RAVER1: variants seen among roughly 807,000 people sequenced by gnomAD.
RAVER1 encodes ribonucleoprotein, PTB binding 1.
RAVER1 carries 36 observed loss-of-function variants against 68.4 expected under a neutral mutation model. That is an observed-to-expected ratio of 0.53 (90% CI 0.40 to 0.70). The LOEUF (loss-of-function observed/expected upper bound fraction) is 0.70. RAVER1 is among the 30% of genes least tolerant of loss of function. RAVER1 has a pLI of 0.00. For synonymous variants in RAVER1, 469 were observed against 472.7 expected, an observed-to-expected ratio of 0.99 and a Z score of 0.10; for missense variants, 933 against 1,019.8, an observed-to-expected ratio of 0.91 and a Z score of 1.16.
At position 10,328,583 on chromosome 19, in the gene RAVER1, G is replaced by T; in HGVS notation, c.756+59C>A. 2 of 1,136,146 alleles carry T rather than the reference G, an allele frequency of 1.8e-6. No homozygotes were observed. The highest frequency in any genetic ancestry group is 2.5e-6 in the Non-Finnish European group (2 of 801,738). 70.4% of individuals were successfully genotyped at this position (1,136,146 alleles called of 1,614,324 possible). ...AAAAGAAAAGGCAGATGACTCCAAAGACTCTCTCAGGTGCTCCGGGCCTGG... is the reference window on the plus strand; with the variant it reads ...AAAAGAAAAGGCAGATGACTCCAAATACTCTCTCAGGTGCTCCGGGCCTGG... On this transcript the variant is annotated intron_variant, in intron 3 of 12. Transcript: ENST00000617231. The surrounding 1 kb of genome is among the most constrained non-coding windows in gnomAD (Gnocchi z 4.4).
At position 10,317,815 on chromosome 19, in the gene RAVER1, C is replaced by T. The variant is rs1485425677; in HGVS notation, c.1990-42G>A. 1.7e-6 allele frequency: 2 copies of T among 1,189,106 alleles called. No individual in the cohort carries two copies. Among genetic ancestry groups the T allele is most frequent in the South Asian group, 1.3e-5 (1 of 77,084 alleles). 73.7% of individuals were successfully genotyped at this position (1,189,106 alleles called of 1,614,324 possible). A position where few individuals can be genotyped will look rare whatever the true frequency, so the allele number is the denominator to read the frequency against. The stretch of plus-strand genomic sequence containing the variant: ...GGTGGAACAGGTCACTCCCTGGGGG[C>T]CAGAGGAAGCACCCACCCCGCCCCC... On this transcript the variant is annotated intron_variant, in intron 11 of 12. Coordinates refer to ENST00000617231, the MANE Select transcript of RAVER1 (RefSeq NM_133452.3). This position sits in a 1 kb window ranked among gnomAD's most constrained non-coding sequence, Gnocchi z 4.3.
In RAVER1 at chr19:10,323,478, G is replaced by A. The variant is rs758435008; in HGVS notation, c.845C>T (p.Ala282Val). The A allele has an allele frequency of 9.3e-6, 15 of 1,609,556 alleles. No individual in the cohort carries two copies. The highest frequency in any genetic ancestry group is 6.7e-5 in the East Asian group (3 of 44,870). Residue 282 changes from alanine (A) to valine (V), a missense_variant, in exon 4 of 13, where the codon GCG becomes GTG. Ala to Val is a moderately conservative substitution (Grantham distance 64). Around this residue, in one of 3 missense-constraint regions of RAVER1, gnomAD observed 699 missense variants for 731.1 expected, o/e 0.96. Coordinates refer to ENST00000617231, the MANE Select transcript of RAVER1 (RefSeq NM_133452.3). This position sits in a 1 kb window ranked among gnomAD's most constrained non-coding sequence, Gnocchi z 6.2. Reference protein sequence around the residue: ...AEMAEEAQQQADGLSLGGSHL... With the variant: ...AEMAEEAQQQVDGLSLGGSHL... ...GCTGCCCCCCAGGGACAGGCCGTCC[G>A]CCTGCTGCTGTGCCTCCTCCGCCAT...
At chr19:10,319,376 G>A (rs1450423978) in intron 9 of RAVER1, 136 bp from the exon 10 acceptor site, 5 of 814,188 alleles carry the variant, frequency 6.1e-6, no homozygotes, top group Admixed American at 2.3e-5. Context: ...ATTTGGGGCT[G>A]GATGCAGCTT....
Position 10,318,346 on chromosome 19 carries a change from G to C in RAVER1, c.1872C>G (p.Gly624=). Residue 624 remains glycine (G), a synonymous_variant, in exon 11 of 13, where the codon GGC becomes GGG. Transcript: ENST00000617231. ...HKMSPPPSGF[G]ERSSGGSGGG... The stretch of plus-strand genomic sequence containing the variant: ...CGCCACTCCCACCGCTGCTCCGTTC[G>C]CCGAAGCCACTGGGCGGGGGGGACA... 4 of 1,601,950 alleles carry C rather than the reference G, an allele frequency of 2.5e-6. No homozygotes were observed. The highest frequency in any genetic ancestry group is 3.4e-6 in the Non-Finnish European group (4 of 1,175,750).
chr19:10,322,456 A>C lies in RAVER1; in HGVS notation c.1173+189T>G. 1 of 523,380 alleles carries C rather than the reference A, an allele frequency of 1.9e-6. No homozygotes were observed. Among genetic ancestry groups the C allele is most frequent in the Non-Finnish European group, 3.3e-6 (1 of 301,926 alleles). The allele number at this position is 523,380 out of a possible 1,614,324, so 32.4% of individuals were successfully genotyped here. ...ATGGAGGGAAAGATGGCGAACCATC[A>C]TGAGCAATTGCCAGAGGGGGATGGG... is the stretch of plus-strand genomic sequence containing the variant. On this transcript the variant is annotated intron_variant, in intron 6 of 12. Coordinates refer to ENST00000617231, the MANE Select transcript of RAVER1 (RefSeq NM_133452.3). This position sits in a 1 kb window ranked among gnomAD's most constrained non-coding sequence, Gnocchi z 4.3.
At chr19:10,332,198 A>G (rs1430919990) in intron 1 of RAVER1, among the ~76,000 whole-genome samples, 1 of 152,048 alleles carries the variant, frequency 6.6e-6, no homozygotes, top group East Asian at 1.9e-4. Context: ...GGGTTTCACT[A>G]TACCGCCCAG....
chr19:10,321,316 G>A (rs1004910632), intron 7 of RAVER1, 57 bp from the exon 8 acceptor site: 1 of 950,950 alleles, frequency 1.1e-6, no homozygotes, highest in African/African-American at 1.7e-5. Flanking sequence ...TCTCCCCAGG[G>A]CCCTCCAGCT....
At chr19:10,321,845 T>C in intron 6 of RAVER1, 1 of 360,034 alleles carries the variant, frequency 2.8e-6, no homozygotes, top group Non-Finnish European at 5.0e-6. Flanking sequence ...CCCTGGCCAA[T>C]GATTGCAGCA....
At chr19:10,332,709 C>T (rs1250036526) in intron 1 of RAVER1, among the ~76,000 whole-genome samples, 1 of 152,208 alleles carries the variant, frequency 6.6e-6, no homozygotes, top group East Asian at 1.9e-4. Flanking sequence ...CCATAGAACA[C>T]AGGCCTCGCT....
chr19:10,323,335 T>A lies in RAVER1; in HGVS notation c.948+40A>T, dbSNP rs768447293. 3.1e-5 allele frequency: 50 copies of A among 1,608,642 alleles called. No individual in the cohort carries two copies. In the Middle Eastern group the frequency reaches 5.0e-4, roughly 16 times the overall value. ...TGGGGCCCTGACATCCCCATGGGGC[T>A]CCCATCCCCACCCCGCCACCTCTGC... On this transcript the variant is annotated intron_variant, in intron 4 of 12. Transcript: ENST00000617231. This position sits in a 1 kb window ranked among gnomAD's most constrained non-coding sequence, Gnocchi z 6.2.
In RAVER1 at chr19:10,316,631, G is replaced by A. The variant is rs757618034; in HGVS notation, c.*823C>T. 4 of 951,930 alleles carry A rather than the reference G, an allele frequency of 4.2e-6. No homozygotes were observed. The African/African-American group carries it at 5.3e-5, about 13-fold the overall frequency. 59.0% of individuals were successfully genotyped at this position (951,930 alleles called of 1,614,324 possible). A position where few individuals can be genotyped will look rare whatever the true frequency, so the allele number is the denominator to read the frequency against. ...CTGCACGGAGGCCCGGGTAGGAGGG[G>A]GTGGTGGGGCCGGTTCGCCAAGATG... On this transcript the variant is annotated 3_prime_UTR_variant, in exon 13 of 13. Transcript: ENST00000617231.
rs1418610965 is a variant in RAVER1 at position 10,316,318 on chromosome 19, A to T, written c.*1136T>A. 2 of 1,163,438 alleles carry T rather than the reference A, an allele frequency of 1.7e-6. No homozygotes were observed. Among genetic ancestry groups the T allele is most frequent in the African/African-American group, 3.3e-5 (2 of 60,656 alleles). The allele number at this position is 1,163,438 out of a possible 1,614,324, so 72.1% of individuals were successfully genotyped here. A position where few individuals can be genotyped will look rare whatever the true frequency, so the allele number is the denominator to read the frequency against. The stretch of plus-strand genomic sequence containing the variant: ...CCCCTTGGAGTGGATGTGGACCCCC[A>T]GAGTCAAGGGAGGGAAGCTGGTGGC... On this transcript the variant is annotated 3_prime_UTR_variant, in exon 13 of 13. Coordinates refer to ENST00000617231, the MANE Select transcript of RAVER1 (RefSeq NM_133452.3).
In RAVER1 at chr19:10,328,540, A is replaced by G. The variant is rs191476015; in HGVS notation, c.756+102T>C. 1.1e-3 allele frequency: 848 copies of G among 752,526 alleles called. 7 individuals are homozygous for G. The African/African-American group carries it at 0.014, about 12-fold the overall frequency. 46.6% of individuals were successfully genotyped at this position (752,526 alleles called of 1,614,324 possible). A position where few individuals can be genotyped will look rare whatever the true frequency, so the allele number is the denominator to read the frequency against. On this transcript the variant is annotated intron_variant, in intron 3 of 12. Transcript: ENST00000617231. This position sits in a 1 kb window ranked among gnomAD's most constrained non-coding sequence, Gnocchi z 4.4. ...GCACTCCAGCATGGGTGACAAAGTG[A>G]GACTGTCTCAAAAAAAAAAAAGAAA...
chr19:10,333,462 T>G lies in RAVER1; in HGVS notation c.46A>C (p.Lys16Gln). ...CCGGCTTCGACTTCGGCCCCAGACTTAGGGCTCAGCGGGGGCCGGTGAGTA... is the reference window on the plus strand; with the variant it reads ...CCGGCTTCGACTTCGGCCCCAGACTGAGGGCTCAGCGGGGGCCGGTGAGTA... ...SVTHRPPLSPKSGAEVEAGDA... is the reference protein window; with the variant it reads ...SVTHRPPLSPQSGAEVEAGDA... The change falls in exon 1 of 13, where the codon AAG becomes CAG. Residue 16 changes from lysine (K) to glutamine (Q), a missense_variant. This residue lies in a region of RAVER1 where 211 missense variants were observed against 230.0 expected (regional missense o/e 0.92). Coordinates refer to ENST00000617231, the MANE Select transcript of RAVER1 (RefSeq NM_133452.3). The surrounding 1 kb of genome is among the most constrained non-coding windows in gnomAD (Gnocchi z 4.2). 1 of 1,611,652 alleles carries G rather than the reference T, an allele frequency of 6.2e-7. No homozygotes were observed. Among genetic ancestry groups the G allele is most frequent in the Non-Finnish European group, 8.5e-7 (1 of 1,179,556 alleles).
chr19:10,320,855 T>A lies in RAVER1; in HGVS notation c.1570A>T (p.Lys524Ter). ...GCGCCTCCCCAGCCCCGGGCCTCCT[T>A]ACCCGCCAGGTTGCTGGCCGGGAGC... ...SLLPASNLAG[K>*]EARGWGGAGR... is the part of the protein sequence containing the mutation. The change falls in exon 9 of 13, where the codon AAG becomes TAG. Residue 524 changes from lysine to a stop codon, truncating the protein, a stop_gained. Transcript: ENST00000617231. LOFTEE classifies it high-confidence loss of function. 1 of 1,509,666 alleles carries A rather than the reference T, an allele frequency of 6.6e-7. No homozygotes were observed. The highest frequency in any genetic ancestry group is 8.8e-7 in the Non-Finnish European group (1 of 1,136,000). The allele number at this position is 1,509,666 out of a possible 1,614,324, so 93.5% of individuals were successfully genotyped here.
Position 10,322,546 on chromosome 19 carries a change from C to G in RAVER1, c.1173+99G>C. ...TCACCCTGGTTCTGCGCCCCCAGGG[C>G]ACAGCCAGAGGTCCCCCCACCCCAC... On this transcript the variant is annotated intron_variant, in intron 6 of 12. Coordinates refer to ENST00000617231, the MANE Select transcript of RAVER1 (RefSeq NM_133452.3). The surrounding 1 kb of genome is among the most constrained non-coding windows in gnomAD (Gnocchi z 4.3). 1 of 878,550 alleles carries G rather than the reference C, an allele frequency of 1.1e-6. No individual in the cohort carries two copies. The highest frequency in any genetic ancestry group is 1.7e-6 in the Non-Finnish European group (1 of 587,562). 54.4% of individuals were successfully genotyped at this position (878,550 alleles called of 1,614,324 possible).
chr19:10,322,313 T>C lies in RAVER1; in HGVS notation c.1173+332A>G, dbSNP rs140231926. The stretch of plus-strand genomic sequence containing the variant: ...CTATAGAGCTTCCGAGCAGAGTCTA[T>C]TCACAAACTGGTGCCCAGCAGCGGC... On this transcript the variant is annotated intron_variant, in intron 6 of 12. Transcript: ENST00000617231. The surrounding 1 kb of genome is among the most constrained non-coding windows in gnomAD (Gnocchi z 4.3). 1,490 of 346,516 alleles carry C rather than the reference T, an allele frequency of 4.3e-3. 7 individuals carry two copies. The highest frequency in any genetic ancestry group is 5.7e-3 in the Non-Finnish European group (1,080 of 190,890). The allele number at this position is 346,516 out of a possible 1,614,324, so 21.5% of individuals were successfully genotyped here.
At position 10,333,481 on chromosome 19, in the gene RAVER1, G is replaced by C. The variant is rs1228195356; in HGVS notation, c.27C>G (p.His9Gln). MAADVSVTHRPPLSPKSGA... is the reference protein window; with the variant it reads MAADVSVTQRPPLSPKSGA... ...CAGACTTAGGGCTCAGCGGGGGCCG[G>C]TGAGTAACGGACACGTCCGCCGCCA... The change falls in exon 1 of 13, where the codon CAC becomes CAG. Residue 9 changes from histidine (H) to glutamine (Q), a missense_variant. By Grantham distance (24) the His-to-Gln change is conservative (BLOSUM62 0). Coordinates refer to ENST00000617231, the MANE Select transcript of RAVER1 (RefSeq NM_133452.3). This position sits in a 1 kb window ranked among gnomAD's most constrained non-coding sequence, Gnocchi z 4.2. The C allele has an allele frequency of 6.2e-7, 1 of 1,608,840 alleles. No individual in the cohort carries two copies. Among genetic ancestry groups the C allele is most frequent in the South Asian group, 1.1e-5 (1 of 91,024 alleles).
rs774593026 is a variant in RAVER1, at chr19:10,323,112, GCA to G, written c.1078+31_1078+32del. The G allele has an allele frequency of 9.2e-6, 14 of 1,528,876 alleles. No individual in the cohort carries two copies. The highest frequency in any genetic ancestry group is 1.2e-5 in the Non-Finnish European group (14 of 1,135,410). The allele number at this position is 1,528,876 out of a possible 1,614,324, so 94.7% of individuals were successfully genotyped here. A position where few individuals can be genotyped will look rare whatever the true frequency, so the allele number is the denominator to read the frequency against. On this transcript the variant is annotated intron_variant, in intron 5 of 12. Transcript: ENST00000617231. This position sits in a 1 kb window ranked among gnomAD's most constrained non-coding sequence, Gnocchi z 6.2. ...GGGGCAGCGCTGCAGCCCCTGTTCT[GCA>G]CAGTGGGGCCCCTGTCCAGCCCCAC... is the stretch of plus-strand genomic sequence containing the variant.
Sources: gnomAD v4.1 joint callset for allele counts (sites outside exome capture counted in the v4.1 genomes callset) on GRCh38, gnomAD v4.1.1 for gene constraint, gnomAD v4.1.1 regional missense constraint, Gnocchi (gnomAD v3.1) non-coding constraint, MANE v1.5 for transcripts, NCBI Gene and HGNC (gene_info 2026-07-23, HGNC 2026-07-21) for gene names.